Variants in PPARGC1B observed in about 807,000 individuals in gnomAD.
The protein encoded by PPARGC1B is peroxisome proliferator-activated receptor gamma coactivator 1-beta.
PPARGC1B carries 34 observed loss-of-function variants against 101.6 expected under a neutral mutation model. The observed-to-expected ratio is 0.33, with a 90% CI of 0.25 to 0.45. The LOEUF (loss-of-function observed/expected upper bound fraction) is 0.45, where lower values mean the gene tolerates loss of function less well. PPARGC1B is among the 20% of genes least tolerant of loss of function. The pLI, the probability that PPARGC1B is intolerant of heterozygous loss-of-function variation, is 1.00. For missense variants in PPARGC1B, 1,234 were observed against 1,317.6 expected (o/e 0.94, Z 0.98); for synonymous variants, 548 against 539.3 (o/e 1.02, Z -0.22).
chr5:149,839,819 C>G (rs545237560), intron 8 of PPARGC1B, among the ~76,000 whole-genome samples: 1 of 152,138 alleles, frequency 6.6e-6, no homozygotes, highest in African/African-American at 2.4e-5. Flanking sequence ...TGATCCAGTC[C>G]GGAAGCTGGC....
chr5:149,857,445 A>G (rs1759984003), downstream of PPARGC1B, among the ~76,000 whole-genome samples: 2 of 152,150 alleles, frequency 1.3e-5, no homozygotes, highest in Admixed American at 6.5e-5. Flanking sequence ...AGCAACATCA[A>G]TGCCCGTGTG....
At chr5:149,731,659 CT>C (rs1409794202) in intron 1 of PPARGC1B, among the ~76,000 whole-genome samples, 1 of 150,836 alleles carries the variant, frequency 6.6e-6, no homozygotes, top group Non-Finnish European at 1.5e-5. Flanking sequence ...GGAAACTTTG[CT>C]TCTTGTTATA....
At chr5:149,784,560 C>CTTGTTTTTTTTTTTTTTTTTT (rs1756717568) in intron 1 of PPARGC1B, among the ~76,000 whole-genome samples, 2 of 75,716 alleles carry the variant, frequency 2.6e-5, no homozygotes, top group Admixed American at 2.0e-4. Context: ...AACTGAGTTT[C>CTTGTTTTTTTTTTTTTTTTTT]TTTTTTTTTT....
rs1342049470 is a variant in PPARGC1B, at chr5:149,830,128, C to T, written c.466-639C>T. Among the ~76,000 whole-genome samples, 3 of 149,110 alleles carry T rather than the reference C, an allele frequency of 2.0e-5. No individual in the cohort carries two copies. The East Asian group carries it at 5.9e-4, about 30-fold the overall frequency. On this transcript the variant is annotated intron_variant, in intron 3 of 11. Coordinates refer to ENST00000309241, the MANE Select transcript of PPARGC1B (RefSeq NM_133263.4). ...ATACTTGCATAATGAAAGCCCACCT[C>T]ATGATAGGTTCACCGAAAAGTAGTT...
chr5:149,852,810 T>G lies in PPARGC1B; in HGVS notation c.*5252T>G, dbSNP rs1387194998. On this transcript the variant is annotated 3_prime_UTR_variant, in exon 12 of 12. Coordinates refer to ENST00000309241, the MANE Select transcript of PPARGC1B (RefSeq NM_133263.4). ...GGGCAACAGGAGGCATTGATCGCGC[T>G]GCATATGTTTAGGGCAGCTTTTGTT... is the stretch of plus-strand genomic sequence containing the variant. 6.6e-6 allele frequency: 1 copy of G among 152,064 alleles called. No homozygotes were observed. The highest frequency in any genetic ancestry group is 2.4e-5 in the African/African-American group (1 of 41,408). The allele number at this position is 152,064 out of a possible 1,614,324, so 9.4% of individuals were successfully genotyped here. A position where few individuals can be genotyped will look rare whatever the true frequency, so the allele number is the denominator to read the frequency against.
intron 1 of PPARGC1B, among the ~76,000 whole-genome samples, chr5:149,749,729 TC>T (rs2113114908): frequency 6.6e-6 from 1 of 152,318 alleles, no homozygotes; most frequent in South Asian, 2.1e-4. Context: ...CCTGGGCTGT[TC>T]CTCTTTGCTG....
intron 1 of PPARGC1B, among the ~76,000 whole-genome samples, chr5:149,796,287 T>A (rs1757213911): frequency 6.6e-6 from 1 of 151,962 alleles, no homozygotes; most frequent in Non-Finnish European, 1.5e-5. Flanking sequence ...CATGCAAAAA[T>A]GGCTTGTGGA....
At chr5:149,829,298 G>A (rs540433177) in intron 3 of PPARGC1B, among the ~76,000 whole-genome samples, 2 of 152,276 alleles carry the variant, frequency 1.3e-5, no homozygotes, top group Admixed American at 6.5e-5. Context: ...GGCTCTCACA[G>A]TGCACCGGGC....
chr5:149,788,253 C>A (rs1384865081), intron 1 of PPARGC1B, among the ~76,000 whole-genome samples: 1 of 152,098 alleles, frequency 6.6e-6, no homozygotes, highest in African/African-American at 2.4e-5. Flanking sequence ...ACCCCATCAA[C>A]AAGTGGGCGA....
intron 1 of PPARGC1B, among the ~76,000 whole-genome samples, chr5:149,790,574 C>T (rs953882862): frequency 6.6e-6 from 1 of 152,108 alleles, no homozygotes; most frequent in Non-Finnish European, 1.5e-5. Flanking sequence ...ACTAGGAGCA[C>T]AATTGAGAGA....
At chr5:149,793,719 G>A (rs4705379) in intron 1 of PPARGC1B, among the ~76,000 whole-genome samples, 57,521 of 152,014 alleles carry the variant, frequency 0.38, 11,362 homozygotes, top group Admixed American at 0.48. Context: ...AGAGGGGAAT[G>A]GAACTTCTTG....
At chr5:149,792,581 C>A (rs1278500787) in intron 1 of PPARGC1B, among the ~76,000 whole-genome samples, 1 of 152,204 alleles carries the variant, frequency 6.6e-6, no homozygotes. Context: ...GCCGGCGGCA[C>A]TACTTTTGCT....
intron 9 of PPARGC1B, among the ~76,000 whole-genome samples, chr5:149,841,403 C>G (rs1759330076): frequency 6.6e-6 from 1 of 152,134 alleles, no homozygotes; most frequent in African/African-American, 2.4e-5. Context: ...ATGTACAGTT[C>G]CCCTGACTGT....
chr5:149,813,572 T>C (rs954315165), intron 1 of PPARGC1B, among the ~76,000 whole-genome samples: 7 of 152,278 alleles, frequency 4.6e-5, no homozygotes, highest in Admixed American at 2.6e-4. Flanking sequence ...TCACGAAGCA[T>C]TGACCCTCCT....
chr5:149,857,573 C>T (rs952759282), downstream of PPARGC1B, among the ~76,000 whole-genome samples: 66 of 152,216 alleles, frequency 4.3e-4, no homozygotes, highest in African/African-American at 1.4e-3. Context: ...TGCAGCAGGG[C>T]AGAACATCTA....
chr5:149,807,367 A>G (rs1342824093), intron 1 of PPARGC1B, among the ~76,000 whole-genome samples: 1 of 151,834 alleles, frequency 6.6e-6, no homozygotes, highest in Non-Finnish European at 1.5e-5. Flanking sequence ...ACAACATGGC[A>G]AGGAAAGGAA....
At chr5:149,762,582 A>G (rs1207510950) in intron 1 of PPARGC1B, among the ~76,000 whole-genome samples, 2 of 152,162 alleles carry the variant, frequency 1.3e-5, no homozygotes, top group Admixed American at 6.5e-5. Flanking sequence ...TCAGTCCCTC[A>G]TGGAAGGGAT....
chr5:149,819,903 T>C lies in PPARGC1B; in HGVS notation c.79-530T>C, dbSNP rs1009903791. On this transcript the variant is annotated intron_variant, in intron 1 of 11. Coordinates refer to ENST00000309241, the MANE Select transcript of PPARGC1B (RefSeq NM_133263.4). ...TTTTATGTTCATCATATATGTTCCATCGTATATTACATCATATATGTAATT... is the reference window on the plus strand; with the variant it reads ...TTTTATGTTCATCATATATGTTCCACCGTATATTACATCATATATGTAATT... Among the ~76,000 whole-genome samples the C allele has an allele frequency of 2.0e-5, 3 of 152,374 alleles. No homozygotes were observed. In the East Asian group the frequency reaches 5.8e-4, roughly 29 times the overall value.
At position 149,848,851 on chromosome 5, in the gene PPARGC1B, G is replaced by T. The variant is rs1759672184; in HGVS notation, c.*1293G>T. The T allele has an allele frequency of 6.6e-6, 1 of 152,228 alleles. No homozygotes were observed. The highest frequency in any genetic ancestry group is 2.4e-5 in the African/African-American group (1 of 41,440). 9.4% of individuals were successfully genotyped at this position (152,228 alleles called of 1,614,324 possible). On this transcript the variant is annotated 3_prime_UTR_variant, in exon 12 of 12. Transcript: ENST00000309241. Reference sequence around the variant, plus strand: ...AAGTTGTTTTGGTGGCTGGGGCAGGGGAGCCAGGAGGAGGGAGTGAAGGTT... The same window carrying T: ...AAGTTGTTTTGGTGGCTGGGGCAGGTGAGCCAGGAGGAGGGAGTGAAGGTT...
Sources: allele counts gnomAD v4.1 joint callset (sites outside exome capture counted in the v4.1 genomes callset), GRCh38; gene constraint gnomAD v4.1.1; transcripts MANE v1.5; gene names NCBI Gene and HGNC (gene_info 2026-07-23, HGNC 2026-07-21).